The following CDKAL1 variants were observed in gnomAD, a reference collection of about 807,000 sequenced individuals.
The protein encoded by CDKAL1 is CDKAL1 threonylcarbamoyladenosine tRNA methylthiotransferase.
Under a neutral mutation model 68.2 loss-of-function variants are expected in CDKAL1, and 32 were observed. The ratio of observed to expected loss-of-function variants is 0.47; its 90% CI spans 0.35 to 0.63. The LOEUF (loss-of-function observed/expected upper bound fraction) is 0.63, where lower values mean the gene tolerates loss of function less well. CDKAL1 is among the 30% of genes least tolerant of loss of function. The pLI is 0.00. For missense variants in CDKAL1, 606 were observed against 696.7 expected, an observed-to-expected ratio of 0.87 and a Z score of 1.47; for synonymous variants, 234 against 244.3, an observed-to-expected ratio of 0.96 and a Z score of 0.39.
chr6:20,620,888 T>G, intron 4 of CDKAL1, among the ~76,000 whole-genome samples: 1 of 152,308 alleles, frequency 6.6e-6, no homozygotes, highest in Non-Finnish European at 1.5e-5. Context: ...TTGTTACAAT[T>G]AATGAACCAA....
intron 8 of CDKAL1, among the ~76,000 whole-genome samples, chr6:20,799,450 C>T (rs901805664): frequency 3.3e-5 from 5 of 151,058 alleles, no homozygotes; most frequent in African/African-American, 9.8e-5. Flanking sequence ...TAATATGCGA[C>T]GATTAATAAG....
At chr6:20,827,527 T>C (rs538149392) in intron 8 of CDKAL1, among the ~76,000 whole-genome samples, 1 of 152,310 alleles carries the variant, frequency 6.6e-6, no homozygotes, top group Admixed American at 6.5e-5. Context: ...AAAGCTAGTT[T>C]CTATAACTCT....
intron 8 of CDKAL1, among the ~76,000 whole-genome samples, chr6:20,830,295 C>G (rs763545651): frequency 3.3e-5 from 5 of 152,116 alleles, no homozygotes; most frequent in African/African-American, 1.2e-4. Flanking sequence ...TTTCTTCAAA[C>G]CAATAAATTA....
intron 8 of CDKAL1, among the ~76,000 whole-genome samples, chr6:20,799,448 G>T (rs951432107): frequency 2.6e-5 from 4 of 151,586 alleles, no homozygotes; most frequent in African/African-American, 9.7e-5. Context: ...GGTAATATGC[G>T]ACGATTAATA....
chr6:21,045,843 G>A (rs566696756), intron 11 of CDKAL1, among the ~76,000 whole-genome samples: 7 of 152,168 alleles, frequency 4.6e-5, no homozygotes, highest in East Asian at 1.9e-4. Flanking sequence ...TGGGTCATCC[G>A]ATGGCGTCTC....
intron 13 of CDKAL1, among the ~76,000 whole-genome samples, chr6:21,142,285 G>A (rs978576991): frequency 4.7e-5 from 7 of 148,626 alleles, no homozygotes; most frequent in African/African-American, 1.5e-4. Context: ...TCTAGGTAAG[G>A]CAATAGTACT....
In CDKAL1 at chr6:20,884,387, G is replaced by A. The variant is rs115171626; in HGVS notation, c.742+38209G>A. On this transcript the variant is annotated intron_variant, in intron 9 of 15. Transcript: ENST00000274695. ...TAAAGGACATTTCTGAAAAACTCACGATTAGCATCATGCTCATTGGTGAAA... is the reference window on the plus strand; with the variant it reads ...TAAAGGACATTTCTGAAAAACTCACAATTAGCATCATGCTCATTGGTGAAA... Among the ~76,000 whole-genome samples, 852 of 152,240 alleles carry A rather than the reference G, an allele frequency of 5.6e-3. 6 individuals carry two copies. The highest frequency in any genetic ancestry group is 0.019 in the African/African-American group (797 of 41,536).
intron 5 of CDKAL1, among the ~76,000 whole-genome samples, chr6:20,723,873 G>A (rs976435565): frequency 2.6e-5 from 4 of 152,132 alleles, no homozygotes; most frequent in African/African-American, 9.7e-5. Context: ...AATTTGCTAA[G>A]GAGACACCAT....
At chr6:20,820,933 T>A (rs909155343) in intron 8 of CDKAL1, among the ~76,000 whole-genome samples, 2 of 151,380 alleles carry the variant, frequency 1.3e-5, no homozygotes, top group African/African-American at 4.9e-5. Context: ...AAGCAGGAGA[T>A]GTAGAGCTGT....
At chr6:21,031,741 C>T (rs565359695) in intron 11 of CDKAL1, among the ~76,000 whole-genome samples, 2 of 152,158 alleles carry the variant, frequency 1.3e-5, no homozygotes, top group South Asian at 2.1e-4. Context: ...CCCTTTACTT[C>T]GTGTGCTTTT....
intron 13 of CDKAL1, among the ~76,000 whole-genome samples, chr6:21,117,784 A>G (rs1774492132): frequency 6.6e-6 from 1 of 152,218 alleles, no homozygotes; most frequent in Non-Finnish European, 1.5e-5. Flanking sequence ...CAATGGAATG[A>G]AATACAAAAT....
intron 4 of CDKAL1, among the ~76,000 whole-genome samples, chr6:20,640,083 T>A (rs1768099865): frequency 6.6e-6 from 1 of 152,254 alleles, no homozygotes; most frequent in African/African-American, 2.4e-5. Context: ...TGATTTGTGT[T>A]ACGTAAATAA....
chr6:20,566,715 C>T (rs1764475611), intron 4 of CDKAL1, among the ~76,000 whole-genome samples: 1 of 152,036 alleles, frequency 6.6e-6, no homozygotes, highest in Non-Finnish European at 1.5e-5. Context: ...TACTTTATTG[C>T]ATCCATTTTT....
chr6:20,863,057 A>G (rs12214755), intron 9 of CDKAL1, among the ~76,000 whole-genome samples: 16,541 of 152,166 alleles, frequency 0.11, 997 homozygotes, highest in African/African-American at 0.14. Flanking sequence ...ACACTGGACT[A>G]TATGCATATT....
intron 9 of CDKAL1, among the ~76,000 whole-genome samples, chr6:20,946,941 A>T (rs188396838): frequency 6.6e-6 from 1 of 152,270 alleles, no homozygotes; most frequent in Admixed American, 6.5e-5. Flanking sequence ...TTTTATTAGC[A>T]CTTATTTTTA....
intron 12 of CDKAL1, among the ~76,000 whole-genome samples, chr6:21,077,459 C>T (rs1209819013): frequency 1.3e-5 from 2 of 152,156 alleles, no homozygotes. Flanking sequence ...AAAGAACTAC[C>T]TGAGACTGGG....
At chr6:20,761,022 A>G (rs1020712630) in intron 7 of CDKAL1, among the ~76,000 whole-genome samples, 7 of 152,234 alleles carry the variant, frequency 4.6e-5, no homozygotes, top group South Asian at 2.1e-4. Flanking sequence ...ATAAAGGGCT[A>G]TTATCCAAAA....
rs570308192 is a variant in CDKAL1, at chr6:20,979,257, A to T, written c.910-20970A>T. The stretch of plus-strand genomic sequence containing the variant: ...TTGACTCTTGGTAAAATTAGCTGTT[A>T]TTCAACTCAATTCAACAAAAAGTTA... On this transcript the variant is annotated intron_variant, in intron 10 of 15. Coordinates refer to ENST00000274695, the MANE Select transcript of CDKAL1 (RefSeq NM_017774.3). Among the ~76,000 whole-genome samples the T allele has an allele frequency of 3.9e-5, 6 of 152,348 alleles. No individual in the cohort carries two copies. The South Asian group carries it at 1.2e-3, about 32-fold the overall frequency.
chr6:20,902,325 ACACACACAC>A (rs1462314953), intron 9 of CDKAL1, among the ~76,000 whole-genome samples: 1 of 68,640 alleles, frequency 1.5e-5, no homozygotes, highest in South Asian at 4.5e-4. Flanking sequence ...ACACACACAC[ACACACACAC>A]ACACACACAC....
Sources: gnomAD v4.1 joint callset for allele counts (sites outside exome capture counted in the v4.1 genomes callset) on GRCh38, gnomAD v4.1.1 for gene constraint, MANE v1.5 for transcripts, NCBI Gene and HGNC (gene_info 2026-07-23, HGNC 2026-07-21) for gene names.